SYT9: variants seen among roughly 807,000 people sequenced by gnomAD.
The protein encoded by SYT9 is synaptotagmin 9.
SYT9 carries 22 observed loss-of-function variants against 48.4 expected under a neutral mutation model. That is an observed-to-expected ratio of 0.45 (90% CI 0.32 to 0.65). The LOEUF (loss-of-function observed/expected upper bound fraction) is 0.65, where lower values mean the gene tolerates loss of function less well. SYT9 is among the 30% of genes least tolerant of loss of function. SYT9 has a pLI of 0.03. For synonymous variants in SYT9, 265 were observed against 245.0 expected, an observed-to-expected ratio of 1.08 and a Z score of -0.76; for missense variants, 577 against 622.0, an observed-to-expected ratio of 0.93 and a Z score of 0.77.
At chr11:7,362,803 C>T (rs1191350602) in intron 3 of SYT9, among the ~76,000 whole-genome samples, 1 of 152,020 alleles carries the variant, frequency 6.6e-6, no homozygotes. Context: ...CAATCAGTTT[C>T]ATCTTTTAAT....
At chr11:7,387,507 CT>C (rs1850684494) in intron 3 of SYT9, among the ~76,000 whole-genome samples, 1 of 152,132 alleles carries the variant, frequency 6.6e-6, no homozygotes, top group South Asian at 2.1e-4. Flanking sequence ...ATCATGTCGT[CT>C]AACGATAATG....
intron 4 of SYT9, 52 bp downstream of exon 4, chr11:7,416,214 A>G (rs201991859): frequency 6.2e-7 from 1 of 1,607,866 alleles, no homozygotes; most frequent in South Asian, 1.1e-5. Flanking sequence ...TGTAGTAAGT[A>G]CCTTATAAAG....
chr11:7,276,513 A>G (rs1322811361), intron 1 of SYT9, among the ~76,000 whole-genome samples: 1 of 152,264 alleles, frequency 6.6e-6, no homozygotes, highest in Non-Finnish European at 1.5e-5. Context: ...TGGTGGAATA[A>G]GGTGGAATGA....
At chr11:7,300,505 A>AATAAG (rs1848898771) in intron 1 of SYT9, among the ~76,000 whole-genome samples, 1 of 152,204 alleles carries the variant, frequency 6.6e-6, no homozygotes, top group Non-Finnish European at 1.5e-5. Flanking sequence ...CAGAGTGACT[A>AATAAG]ATAACACAGT....
intron 2 of SYT9, among the ~76,000 whole-genome samples, chr11:7,310,668 G>A (rs939612797): frequency 4.0e-5 from 6 of 151,858 alleles, no homozygotes; most frequent in Non-Finnish European, 5.9e-5. Context: ...GGATGGTGTC[G>A]ATCTCCTGAC....
At chr11:7,440,069 A>G (rs1847800590) in intron 6 of SYT9, 1 of 152,242 alleles carries the variant, frequency 6.6e-6, no homozygotes, top group African/African-American at 2.4e-5. Context: ...ACTCCCATCT[A>G]GACTCTCACT....
At position 7,252,792 on chromosome 11, in the gene SYT9, C is replaced by T. The variant is rs1179261138; in HGVS notation, c.145+461C>T. Among the ~76,000 whole-genome samples the T allele has an allele frequency of 6.6e-6, 1 of 152,246 alleles. No homozygotes were observed. Among genetic ancestry groups the T allele is most frequent in the Admixed American group, 6.5e-5 (1 of 15,292 alleles). ...CGAATCCCACCGGGTGCTGCTCATCCTTTCTCCCAAGCGTCTAGTTCCTTT... is the reference window on the plus strand; with the variant it reads ...CGAATCCCACCGGGTGCTGCTCATCTTTTCTCCCAAGCGTCTAGTTCCTTT... On this transcript the variant is annotated intron_variant, in intron 1 of 6. Coordinates refer to ENST00000318881, the MANE Select transcript of SYT9 (RefSeq NM_175733.4). This position sits in a 1 kb window ranked among gnomAD's most constrained non-coding sequence, Gnocchi z 6.3.
chr11:7,277,573 T>C (rs1848420845), intron 1 of SYT9, among the ~76,000 whole-genome samples: 1 of 152,238 alleles, frequency 6.6e-6, no homozygotes, highest in South Asian at 2.1e-4. Context: ...AAAAGGGCAC[T>C]TTTTCAGCAG....
intron 6 of SYT9, chr11:7,440,156 G>T (rs1847802048): frequency 6.6e-6 from 1 of 152,226 alleles, no homozygotes; most frequent in South Asian, 2.1e-4. Context: ...CAGCTGTCCA[G>T]AAGCACAGTG....
intron 1 of SYT9, among the ~76,000 whole-genome samples, chr11:7,274,818 C>A (rs1848357586): frequency 6.6e-6 from 1 of 152,120 alleles, no homozygotes; most frequent in African/African-American, 2.4e-5. Flanking sequence ...TTACAGGATG[C>A]AGCAGCCACA....
chr11:7,293,679 A>G (rs1848733941), intron 1 of SYT9, among the ~76,000 whole-genome samples: 1 of 152,208 alleles, frequency 6.6e-6, no homozygotes, highest in Non-Finnish European at 1.5e-5. Flanking sequence ...CTGTTGTGAT[A>G]GAGGAAGATC....
At chr11:7,282,930 A>G (rs1319268376) in intron 1 of SYT9, among the ~76,000 whole-genome samples, 1 of 151,026 alleles carries the variant, frequency 6.6e-6, no homozygotes, top group African/African-American at 2.4e-5. Context: ...ACACACGCAC[A>G]CACACACACA....
chr11:7,313,598 T>C lies in SYT9; in HGVS notation c.701T>C (p.Leu234Ser), dbSNP rs1849182699. The C allele has an allele frequency of 1.2e-6, 2 of 1,614,172 alleles. No individual in the cohort carries two copies. The highest frequency in any genetic ancestry group is 8.5e-7 in the Non-Finnish European group (1 of 1,180,024). ...TTCATTTTAAAATATGACTGTGACT[T>C]AGAGCAGCTCATAGTGAAGATTCAC... ...LNFILKYDCDLEQLIVKIHKA... is the reference protein window; with the variant it reads ...LNFILKYDCDSEQLIVKIHKA... Residue 234 changes from leucine to serine, a missense_variant, in exon 3 of 7, where the codon TTA (leucine) becomes TCA (serine). Transcript: ENST00000318881.
intron 6 of SYT9, among the ~76,000 whole-genome samples, chr11:7,424,210 G>C (rs924635990): frequency 6.6e-6 from 1 of 152,170 alleles, no homozygotes; most frequent in Non-Finnish European, 1.5e-5. Context: ...TCAAAAATCC[G>C]TTTCTCTCGC....
chr11:7,293,862 G>A (rs537214256), intron 1 of SYT9, among the ~76,000 whole-genome samples: 1 of 152,300 alleles, frequency 6.6e-6, no homozygotes, highest in South Asian at 2.1e-4. Flanking sequence ...TTCTCCTGCT[G>A]AAGTCTTTTG....
chr11:7,244,068 T>C (rs1049682255), intron 1 of SYT9, among the ~76,000 whole-genome samples: 4 of 152,112 alleles, frequency 2.6e-5, no homozygotes, highest in African/African-American at 9.7e-5. Context: ...GATGAACAAA[T>C]GTAAAACCAC....
intron 3 of SYT9, among the ~76,000 whole-genome samples, chr11:7,331,619 A>C (rs1207083588): frequency 6.6e-6 from 1 of 152,094 alleles, no homozygotes; most frequent in Non-Finnish European, 1.5e-5. Flanking sequence ...ACCTACTTGG[A>C]GGGCTGAGGT....
intron 6 of SYT9, chr11:7,437,904 G>C (rs1847742802): frequency 6.6e-6 from 1 of 152,244 alleles, no homozygotes; most frequent in South Asian, 2.1e-4. Context: ...GAAGGAAGAG[G>C]CAATTCTTGT....
chr11:7,249,442 T>C (rs1434091346), upstream of SYT9, among the ~76,000 whole-genome samples: 4 of 152,148 alleles, frequency 2.6e-5, no homozygotes, highest in African/African-American at 9.7e-5. Context: ...AAAGGACACA[T>C]GGAATTGGAG....
Sources: allele counts gnomAD v4.1 joint callset (sites outside exome capture counted in the v4.1 genomes callset), GRCh38; gene constraint gnomAD v4.1.1; non-coding constraint Gnocchi (gnomAD v3.1); transcripts MANE v1.5; gene names NCBI Gene and HGNC (gene_info 2026-07-23, HGNC 2026-07-21).